Variants in FGF2 observed in about 807,000 individuals in gnomAD.
FGF2 encodes fibroblast growth factor 2.
A neutral mutation model predicts 15.9 loss-of-function variants in FGF2; 13 were observed. The ratio of observed to expected loss-of-function variants is 0.82; its 90% confidence interval spans 0.53 to 1.30. FGF2 has a LOEUF of 1.30. FGF2 is among the 50% of genes most tolerant of loss of function. The pLI, the probability that FGF2 is intolerant of heterozygous loss-of-function variation, is 0.00. For synonymous variants in FGF2, 90 were observed against 78.4 expected (o/e 1.15, Z -0.78); for missense variants, 163 against 196.9 (o/e 0.83, Z 1.03).
At chr4:122,855,256 A>G (rs553304682) in intron 1 of FGF2, among the ~76,000 whole-genome samples, 1 of 152,340 alleles carries the variant, frequency 6.6e-6, no homozygotes, top group African/African-American at 2.4e-5. Context: ...ATTTGCCAAG[A>G]AAAGGCTATA....
rs1442844720 is a variant in FGF2 at position 122,894,230 on chromosome 4, G to A, written c.*1834G>A. 1 of 152,180 alleles carries A rather than the reference G, an allele frequency of 6.6e-6. No homozygotes were observed. The highest frequency in any genetic ancestry group is 1.9e-4 in the East Asian group (1 of 5,200). 9.4% of individuals were successfully genotyped at this position (152,180 alleles called of 1,614,324 possible). A position where few individuals can be genotyped will look rare whatever the true frequency, so the allele number is the denominator to read the frequency against. ...TTTGTCTGCCATTTTTCAATTACAT[G>A]CTGACTTCCCTTACAATTGAGATTT... On this transcript the variant is annotated 3_prime_UTR_variant, in exon 3 of 3. Transcript: ENST00000644866.
At chr4:122,840,085 C>T (rs1725946813) in intron 1 of FGF2, among the ~76,000 whole-genome samples, 1 of 152,110 alleles carries the variant, frequency 6.6e-6, no homozygotes, top group African/African-American at 2.4e-5. Context: ...ACCCTGAAGG[C>T]TTCATTTTAA....
In FGF2 at chr4:122,895,865, A is replaced by T. The variant is rs1427881010; in HGVS notation, c.*3469A>T. On this transcript the variant is annotated 3_prime_UTR_variant, in exon 3 of 3. Coordinates refer to ENST00000644866, the MANE Select transcript of FGF2 (RefSeq NM_001361665.2). The stretch of plus-strand genomic sequence containing the variant: ...TTTGTGATGGCAGTATTCCTAAAGT[A>T]CATTGCATGTTTTCCTAAATACAGA... 6.6e-6 allele frequency: 1 copy of T among 152,250 alleles called. No homozygotes were observed. The highest frequency in any genetic ancestry group is 1.5e-5 in the Non-Finnish European group (1 of 68,032). 9.4% of individuals were successfully genotyped at this position (152,250 alleles called of 1,614,324 possible). A position where few individuals can be genotyped will look rare whatever the true frequency, so the allele number is the denominator to read the frequency against.
chr4:122,830,816 C>CAA (rs35597051), intron 1 of FGF2, among the ~76,000 whole-genome samples: 6,426 of 92,578 alleles, frequency 0.069, 469 homozygotes, highest in African/African-American at 0.13. Flanking sequence ...CTCTTATTTA[C>CAA]AAAAAAAAAA....
In FGF2 at chr4:122,827,351, C is replaced by T. The variant is rs1219125726; in HGVS notation, c.177C>T (p.His59=). 1.2e-6 allele frequency: 2 copies of T among 1,612,778 alleles called. No individual in the cohort carries two copies. The highest frequency in any genetic ancestry group is 1.7e-5 in the Admixed American group (1 of 60,008). ...GGGTCCGGGAGAAGAGCGACCCTCA[C>T]AGTGAGTGCCGACCCGCTCTCTCCG... ...VDGVREKSDP[H]IKLQLQAEER... Residue 59 remains histidine, a splice_region_variant and synonymous_variant, in exon 1 of 3, where the codon CAC becomes CAT. Transcript: ENST00000644866. This position sits in a 1 kb window ranked among gnomAD's most constrained non-coding sequence, Gnocchi z 4.2.
chr4:122,844,360 T>C (rs1726056505), intron 1 of FGF2, among the ~76,000 whole-genome samples: 1 of 152,168 alleles, frequency 6.6e-6, no homozygotes, highest in African/African-American at 2.4e-5. Flanking sequence ...CATCTGCAGT[T>C]ACTTCTTCCA....
chr4:122,855,595 A>G (rs1365124416), intron 1 of FGF2, among the ~76,000 whole-genome samples: 1 of 152,164 alleles, frequency 6.6e-6, no homozygotes, highest in East Asian at 1.9e-4. Context: ...TGTCTAAACC[A>G]TGGCACTTCC....
intron 1 of FGF2, among the ~76,000 whole-genome samples, chr4:122,851,895 A>G (rs529534404): frequency 6.6e-6 from 1 of 152,298 alleles, no homozygotes; most frequent in Non-Finnish European, 1.5e-5. Flanking sequence ...ATTTATTTAA[A>G]TATTAGTTTC....
rs144397171 is a variant in FGF2 at position 122,869,897 on chromosome 4, C to A, written c.179-6424C>A. Reference sequence around the variant, plus strand: ...TGTTGAGTAGGAGTGGTGAGAGAGGCATCCTTGCCTTGTGCCAGTTTTCAA... The same window carrying A: ...TGTTGAGTAGGAGTGGTGAGAGAGGAATCCTTGCCTTGTGCCAGTTTTCAA... On this transcript the variant is annotated intron_variant, in intron 1 of 2. Transcript: ENST00000644866. Among the ~76,000 whole-genome samples the A allele has an allele frequency of 1.3e-3, 199 of 152,304 alleles. 1 individual carries two copies. In the East Asian group the frequency reaches 0.034, roughly 26 times the overall value.
At chr4:122,874,930 T>G (rs991889154) in intron 1 of FGF2, among the ~76,000 whole-genome samples, 14 of 152,304 alleles carry the variant, frequency 9.2e-5, no homozygotes, top group Middle Eastern at 6.8e-3. Flanking sequence ...CTCTCAAGAA[T>G]ATCCTAAACA....
intron 1 of FGF2, among the ~76,000 whole-genome samples, chr4:122,876,037 CCCTTCTCTGCTCACCCTGTGACA>C (rs1308052982): frequency 1.1e-4 from 17 of 152,078 alleles, no homozygotes; most frequent in Non-Finnish European, 1.9e-4. Context: ...CCGTGTGTCC[CCCTTCTCTGCTCACCCTGTGACA>C]CCTTCTCTGC....
At chr4:122,884,126 G>A (rs1307415768) in intron 2 of FGF2, among the ~76,000 whole-genome samples, 1 of 152,122 alleles carries the variant, frequency 6.6e-6, no homozygotes, top group Admixed American at 6.5e-5. Flanking sequence ...AAAGGTTATT[G>A]CATAATGAGA....
At chr4:122,854,196 A>G (rs1726291581) in intron 1 of FGF2, among the ~76,000 whole-genome samples, 2 of 152,248 alleles carry the variant, frequency 1.3e-5, no homozygotes, top group Non-Finnish European at 2.9e-5. Flanking sequence ...ATAAGGATAC[A>G]ATATTTTAAA....
intron 1 of FGF2, among the ~76,000 whole-genome samples, chr4:122,875,766 C>T (rs1726834217): frequency 6.6e-6 from 1 of 152,202 alleles, no homozygotes; most frequent in Non-Finnish European, 1.5e-5. Context: ...GTGATTGTGC[C>T]ACTGCACTCC....
chr4:122,869,607 G>A (rs528691950), intron 1 of FGF2, among the ~76,000 whole-genome samples: 2 of 152,234 alleles, frequency 1.3e-5, no homozygotes, highest in East Asian at 3.9e-4. Flanking sequence ...GATTGTGAAC[G>A]GGAGTTCATT....
rs1727407438 is a variant in FGF2 at position 122,897,734 on chromosome 4, T to C, written c.*5338T>C. ...CATAACTTTCACTAACACACACATA[T>C]GTAGATTTCACAAAATCCACCTATA... On this transcript the variant is annotated 3_prime_UTR_variant, in exon 3 of 3. Transcript: ENST00000644866. 4 of 1,172,616 alleles carry C rather than the reference T, an allele frequency of 3.4e-6. No individual in the cohort carries two copies. The highest frequency in any genetic ancestry group is 2.3e-5 in the East Asian group (1 of 42,720). The allele number at this position is 1,172,616 out of a possible 1,614,324, so 72.6% of individuals were successfully genotyped here.
At chr4:122,891,394 A>C (rs1021603432) in intron 2 of FGF2, among the ~76,000 whole-genome samples, 1 of 140,464 alleles carries the variant, frequency 7.1e-6, no homozygotes, top group Non-Finnish European at 1.6e-5. Context: ...TTGGAGTATT[A>C]TTTCCAGGTC....
chr4:122,850,268 A>G (rs925937274), intron 1 of FGF2, among the ~76,000 whole-genome samples: 18 of 152,144 alleles, frequency 1.2e-4, no homozygotes, highest in South Asian at 4.1e-4. Flanking sequence ...TCTCAAAAAA[A>G]AAAAGAAAAA....
intron 1 of FGF2, among the ~76,000 whole-genome samples, chr4:122,848,669 G>T (rs1271600982): frequency 6.6e-6 from 1 of 152,232 alleles, no homozygotes; most frequent in Non-Finnish European, 1.5e-5. Flanking sequence ...ACATAGCACT[G>T]GTGGTAGTTT....
Sources: allele counts gnomAD v4.1 joint callset (sites outside exome capture counted in the v4.1 genomes callset), GRCh38; gene constraint gnomAD v4.1.1; non-coding constraint Gnocchi (gnomAD v3.1); transcripts MANE v1.5; gene names NCBI Gene and HGNC (gene_info 2026-07-23, HGNC 2026-07-21).